Variants in RBMS3 observed in about 807,000 individuals in gnomAD.
RBMS3 encodes RNA-binding motif, single-stranded-interacting protein 3.
Under a neutral mutation model 66.8 loss-of-function variants are expected in RBMS3, and 27 were observed. The ratio of observed to expected loss-of-function variants is 0.40; its 90% CI spans 0.30 to 0.56. RBMS3 has a LOEUF of 0.56. RBMS3 is among the 20% of genes least tolerant of loss of function. The pLI is 0.40. For missense variants in RBMS3, 513 were observed against 549.5 expected (o/e 0.93, Z 0.66); for synonymous variants, 188 against 183.0 (o/e 1.03, Z -0.22).
chr3:29,877,418 AATT>A (rs2149567025), intron 7 of RBMS3, among the ~76,000 whole-genome samples: 1 of 152,312 alleles, frequency 6.6e-6, no homozygotes, highest in South Asian at 2.1e-4. Context: ...AAATGAATGT[AATT>A]ATTATTTGGA....
chr3:29,309,073 T>G (rs1306021801), intron 1 of RBMS3, among the ~76,000 whole-genome samples: 2 of 151,744 alleles, frequency 1.3e-5, no homozygotes, highest in African/African-American at 4.8e-5. Flanking sequence ...ACAGTTCTGT[T>G]GAAAGTGAAA....
At chr3:29,329,784 C>A (rs2035543598) in intron 1 of RBMS3, among the ~76,000 whole-genome samples, 1 of 149,266 alleles carries the variant, frequency 6.7e-6, no homozygotes, top group Non-Finnish European at 1.5e-5. Context: ...TGGAAAAAAT[C>A]ATGTGAAAAA....
intron 1 of RBMS3, among the ~76,000 whole-genome samples, chr3:29,370,052 C>T (rs929129217): frequency 6.6e-6 from 1 of 152,164 alleles, no homozygotes; most frequent in Non-Finnish European, 1.5e-5. Flanking sequence ...GTTTTCCTTT[C>T]GTACATTCAG....
At chr3:29,829,025 TC>T (rs1369682153) in intron 6 of RBMS3, among the ~76,000 whole-genome samples, 1 of 49,756 alleles carries the variant, frequency 2.0e-5, no homozygotes, top group Admixed American at 1.7e-4. Flanking sequence ...TTTCTTTCTT[TC>T]TTTCTTTCTT....
chr3:29,794,538 A>T (rs2057119029), intron 6 of RBMS3, among the ~76,000 whole-genome samples: 1 of 152,176 alleles, frequency 6.6e-6, no homozygotes, highest in African/African-American at 2.4e-5. Context: ...GTGAGCTGAG[A>T]TTGCGCCACT....
chr3:29,773,181 A>T (rs758613214), intron 6 of RBMS3, among the ~76,000 whole-genome samples: 3 of 152,010 alleles, frequency 2.0e-5, no homozygotes, highest in Non-Finnish European at 4.4e-5. Flanking sequence ...TCTCAAGCAT[A>T]GACCATGCTC....
intron 11 of RBMS3, among the ~76,000 whole-genome samples, chr3:29,940,774 G>T (rs1001191994): frequency 6.7e-6 from 1 of 149,810 alleles, no homozygotes; most frequent in African/African-American, 2.4e-5. Context: ...AAAAAAAAGT[G>T]CATCTTATGC....
intron 4 of RBMS3, among the ~76,000 whole-genome samples, chr3:29,724,374 T>G (rs1173382295): frequency 6.6e-6 from 1 of 152,206 alleles, no homozygotes; most frequent in African/African-American, 2.4e-5. Context: ...ACTGAGCTTC[T>G]GTATTCCTGA....
chr3:29,655,729 A>G (rs551129841), intron 4 of RBMS3, among the ~76,000 whole-genome samples: 17 of 152,324 alleles, frequency 1.1e-4, no homozygotes, highest in African/African-American at 4.1e-4. Flanking sequence ...ACTTATAAAA[A>G]TAAGTTAACT....
intron 3 of RBMS3, among the ~76,000 whole-genome samples, chr3:29,567,470 G>A (rs1026700080): frequency 1.3e-5 from 2 of 152,058 alleles, no homozygotes; most frequent in South Asian, 2.1e-4. Flanking sequence ...GTAGGTAAAC[G>A]CTATACAGAC....
intron 4 of RBMS3, among the ~76,000 whole-genome samples, chr3:29,625,230 A>G (rs745428218): frequency 6.6e-6 from 1 of 152,178 alleles, no homozygotes; most frequent in Non-Finnish European, 1.5e-5. Context: ...ATGGACTAAT[A>G]CAATTGACTA....
intron 6 of RBMS3, among the ~76,000 whole-genome samples, chr3:29,866,141 T>C (rs1473233421): frequency 2.7e-5 from 4 of 145,774 alleles, no homozygotes; most frequent in East Asian, 4.2e-4. Flanking sequence ...AAAAAGACTA[T>C]ATTTGAGTAG....
intron 1 of RBMS3, among the ~76,000 whole-genome samples, chr3:29,329,612 C>G (rs758844729): frequency 6.6e-5 from 10 of 151,818 alleles, no homozygotes; most frequent in Non-Finnish European, 1.3e-4. Flanking sequence ...GAAGGTACTA[C>G]AGAATATTAA....
At chr3:29,495,125 A>G (rs2043693037) in intron 3 of RBMS3, among the ~76,000 whole-genome samples, 2 of 149,268 alleles carry the variant, frequency 1.3e-5, no homozygotes. Context: ...ATAAAATCAT[A>G]AATTGTTATT....
At chr3:29,448,906 A>G (rs1280869229) in intron 2 of RBMS3, among the ~76,000 whole-genome samples, 2 of 152,196 alleles carry the variant, frequency 1.3e-5, no homozygotes, top group African/African-American at 4.8e-5. Context: ...CAAGTGACTG[A>G]ATGAGAACTC....
At chr3:29,702,560 C>T (rs2149291828) in intron 4 of RBMS3, among the ~76,000 whole-genome samples, 1 of 152,312 alleles carries the variant, frequency 6.6e-6, no homozygotes, top group Non-Finnish European at 1.5e-5. Context: ...TTTGAGTCCA[C>T]ACCATCTTTA....
rs1014877979 is a variant in RBMS3, at chr3:29,394,130, C to A, written c.76-40613C>A. ...GGTGTATTTCATCCCTTATCTTCAA[C>A]TGCATAAGACAGACACTCTCAGAGC... On this transcript the variant is annotated intron_variant, in intron 1 of 14. Coordinates refer to ENST00000383767, the MANE Select transcript of RBMS3 (RefSeq NM_001003793.3). Among the ~76,000 whole-genome samples the A allele has an allele frequency of 6.6e-5, 10 of 152,306 alleles. No individual in the cohort carries two copies. In the South Asian group the frequency reaches 1.0e-3, roughly 16 times the overall value.
intron 1 of RBMS3, among the ~76,000 whole-genome samples, chr3:29,346,683 G>A (rs2036598879): frequency 6.6e-6 from 1 of 151,976 alleles, no homozygotes; most frequent in Non-Finnish European, 1.5e-5. Flanking sequence ...GTGAGCCACC[G>A]CGCCTGGCCA....
intron 2 of RBMS3, among the ~76,000 whole-genome samples, chr3:29,452,355 C>T (rs1043990074): frequency 3.3e-5 from 5 of 152,160 alleles, no homozygotes; most frequent in African/African-American, 1.2e-4. Flanking sequence ...TGGCTTATTA[C>T]CTGCCTCCTT....
Sources: allele counts gnomAD v4.1 joint callset (sites outside exome capture counted in the v4.1 genomes callset), GRCh38; gene constraint gnomAD v4.1.1; transcripts MANE v1.5; gene names NCBI Gene and HGNC (gene_info 2026-07-23, HGNC 2026-07-21).